ELMO1: variants seen among roughly 807,000 people sequenced by gnomAD.
ELMO1 encodes engulfment and cell motility 1.
A neutral mutation model predicts 98.9 loss-of-function variants in ELMO1; 26 were observed. The observed-to-expected ratio is 0.26, with a 90% CI of 0.19 to 0.36. The LOEUF is 0.36. ELMO1 is among the 10% of genes least tolerant of loss of function. ELMO1 has a pLI of 1.00. For missense variants in ELMO1, 627 were observed against 935.2 expected (o/e 0.67, Z 4.30); for synonymous variants, 346 against 346.0 (o/e 1.00, Z 0.00).
intron 1 of ELMO1, among the ~76,000 whole-genome samples, chr7:37,413,356 T>C (rs1008253443): frequency 1.3e-5 from 2 of 152,136 alleles, no homozygotes; most frequent in African/African-American, 4.8e-5. Flanking sequence ...GTCTGTCTCA[T>C]CTCCCTGACC....
intron 1 of ELMO1, among the ~76,000 whole-genome samples, chr7:37,434,856 C>A (rs1420671986): frequency 6.6e-6 from 1 of 152,180 alleles, no homozygotes; most frequent in East Asian, 1.9e-4. Context: ...ACATTAATCT[C>A]CCTGTTGTAG....
At chr7:37,366,238 T>C (rs75110935) in intron 1 of ELMO1, among the ~76,000 whole-genome samples, 1 of 151,932 alleles carries the variant, frequency 6.6e-6, no homozygotes, top group East Asian at 1.9e-4. Context: ...CAAAAGAATA[T>C]CCAGCATTTT....
At chr7:37,076,290 C>T (rs1475417258) in intron 15 of ELMO1, among the ~76,000 whole-genome samples, 2 of 152,068 alleles carry the variant, frequency 1.3e-5, no homozygotes, top group Non-Finnish European at 2.9e-5. Context: ...ATCTCATGAA[C>T]TACTCAAAGC....
chr7:37,154,746 AT>A (rs1788615477), intron 13 of ELMO1, among the ~76,000 whole-genome samples: 1 of 152,186 alleles, frequency 6.6e-6, no homozygotes, highest in Admixed American at 6.5e-5. Context: ...TCTGCAGGAT[AT>A]TACCCAGGAG....
intron 16 of ELMO1, among the ~76,000 whole-genome samples, chr7:36,903,007 T>C (rs1783691330): frequency 6.6e-6 from 1 of 152,200 alleles, no homozygotes; most frequent in Admixed American, 6.5e-5. Flanking sequence ...AAGCTGATCA[T>C]ATCATTCACC....
chr7:37,220,775 C>T (rs555386690), intron 10 of ELMO1, among the ~76,000 whole-genome samples: 2 of 152,236 alleles, frequency 1.3e-5, no homozygotes, highest in African/African-American at 4.8e-5. Context: ...TTAGAGTGGG[C>T]ATGAACTTTC....
At chr7:37,284,776 G>A (rs1418490096) in intron 4 of ELMO1, among the ~76,000 whole-genome samples, 4 of 149,888 alleles carry the variant, frequency 2.7e-5, no homozygotes, top group Non-Finnish European at 3.0e-5. Context: ...ACGGTTTAAA[G>A]AAAAAAAAAA....
At chr7:37,447,634 C>A (rs1805679403) in intron 1 of ELMO1, among the ~76,000 whole-genome samples, 1 of 147,810 alleles carries the variant, frequency 6.8e-6, no homozygotes, top group African/African-American at 2.6e-5. Flanking sequence ...CACACACCCA[C>A]AACACCCCCC....
intron 2 of ELMO1, among the ~76,000 whole-genome samples, chr7:37,323,892 C>A (rs1398801438): frequency 6.6e-6 from 1 of 152,176 alleles, no homozygotes; most frequent in African/African-American, 2.4e-5. Flanking sequence ...TTAAATTTAA[C>A]ACTTCTTTCT....
chr7:37,336,111 C>T (rs1006326217), intron 2 of ELMO1, among the ~76,000 whole-genome samples: 3 of 151,866 alleles, frequency 2.0e-5, no homozygotes, highest in African/African-American at 7.3e-5. Context: ...CCTGTAATCT[C>T]AGCTACTCGA....
At chr7:36,935,797 G>A (rs1339534809) in intron 16 of ELMO1, among the ~76,000 whole-genome samples, 1 of 152,182 alleles carries the variant, frequency 6.6e-6, no homozygotes, top group Non-Finnish European at 1.5e-5. Context: ...GGCCCCTCCA[G>A]TAAGAGAATA....
At chr7:37,278,018 G>T (rs1796937197) in intron 4 of ELMO1, among the ~76,000 whole-genome samples, 1 of 150,494 alleles carries the variant, frequency 6.6e-6, no homozygotes, top group African/African-American at 2.5e-5. Context: ...AATCCAAACT[G>T]TTGTATCATG....
rs115532662 is a variant in ELMO1, at chr7:36,967,189, C to T, written c.1437+46110G>A. Among the ~76,000 whole-genome samples, 678 of 152,268 alleles carry T rather than the reference C, an allele frequency of 4.5e-3. 12 individuals carry two copies. The highest frequency in any genetic ancestry group is 0.015 in the African/African-American group (622 of 41,566). ...CCTCTTCTCTAAAATATAAGAAATA[C>T]ATGCTCTAGGCCAATCGATTTGAAG... On this transcript the variant is annotated intron_variant, in intron 16 of 21. Transcript: ENST00000310758.
At chr7:36,981,335 G>A (rs1470866856) in intron 16 of ELMO1, among the ~76,000 whole-genome samples, 3 of 151,798 alleles carry the variant, frequency 2.0e-5, no homozygotes, top group Non-Finnish European at 4.4e-5. Flanking sequence ...TGAAGAGACT[G>A]ATTACTTTTT....
At chr7:37,334,212 A>T (rs1800273519) in intron 2 of ELMO1, among the ~76,000 whole-genome samples, 1 of 151,996 alleles carries the variant, frequency 6.6e-6, no homozygotes, top group Non-Finnish European at 1.5e-5. Flanking sequence ...ACAGGAGGAG[A>T]CTCTGTCCAC....
intron 8 of ELMO1, among the ~76,000 whole-genome samples, chr7:37,228,650 A>G (rs1270493178): frequency 1.3e-5 from 2 of 152,240 alleles, no homozygotes; most frequent in African/African-American, 4.8e-5. Flanking sequence ...TCCAATAAAT[A>G]CTTCTTAGAA....
chr7:37,165,932 C>A (rs1262036876), intron 13 of ELMO1, among the ~76,000 whole-genome samples: 1 of 152,088 alleles, frequency 6.6e-6, no homozygotes, highest in Non-Finnish European at 1.5e-5. Flanking sequence ...CTCCTTGTAC[C>A]TCTGGGAGAA....
intron 16 of ELMO1, among the ~76,000 whole-genome samples, chr7:36,928,468 T>C (rs1415431380): frequency 6.6e-6 from 1 of 152,192 alleles, no homozygotes; most frequent in East Asian, 1.9e-4. Flanking sequence ...TGGCATTCTG[T>C]ATTTGAAAAG....
chr7:36,989,623 C>T (rs1791740377), intron 16 of ELMO1, among the ~76,000 whole-genome samples: 2 of 152,178 alleles, frequency 1.3e-5, no homozygotes, highest in Admixed American at 1.3e-4. Flanking sequence ...AAAAGACCAT[C>T]TATATGAGAG....
Sources: gnomAD v4.1 joint callset for allele counts (sites outside exome capture counted in the v4.1 genomes callset) on GRCh38, gnomAD v4.1.1 for gene constraint, MANE v1.5 for transcripts, NCBI Gene and HGNC (gene_info 2026-07-23, HGNC 2026-07-21) for gene names.